Variants in ZNF565 observed in about 807,000 individuals in gnomAD.
ZNF565 encodes zinc finger protein 565.
Under a neutral mutation model 39.4 loss-of-function variants are expected in ZNF565, and 27 were observed. The observed-to-expected ratio is 0.69, with a 90% CI of 0.51 to 0.95. ZNF565 has a LOEUF of 0.95. Ranked by LOEUF, ZNF565 falls within the 40% of genes least tolerant of loss-of-function variation. The pLI, the probability that ZNF565 is intolerant of heterozygous loss-of-function variation, is 0.00. For missense variants in ZNF565, 524 were observed against 621.1 expected (o/e 0.84, Z 1.66); for synonymous variants, 185 against 216.6 (o/e 0.85, Z 1.28).
intron 2 of ZNF565, among the ~76,000 whole-genome samples, chr19:36,199,417 T>C (rs947523830): frequency 6.6e-6 from 1 of 152,052 alleles, no homozygotes; most frequent in Non-Finnish European, 1.5e-5. Flanking sequence ...ACCATGTCTA[T>C]GTGGAGAGAG....
intron 1 of ZNF565, among the ~76,000 whole-genome samples, chr19:36,211,486 C>CACAA (rs1555739633): frequency 7.5e-5 from 11 of 147,400 alleles, no homozygotes; most frequent in African/African-American, 2.8e-4. Flanking sequence ...CACACACACA[C>CACAA]AATTCTAATT....
At chr19:36,212,143 G>A (rs116689566) in intron 1 of ZNF565, among the ~76,000 whole-genome samples, 5 of 152,118 alleles carry the variant, frequency 3.3e-5, no homozygotes, top group Non-Finnish European at 7.4e-5. Flanking sequence ...CATCGCTTTC[G>A]GAGTATTCTT....
chr19:36,201,288 C>T (rs12608941), intron 2 of ZNF565, among the ~76,000 whole-genome samples: 47,713 of 151,840 alleles, frequency 0.31, 7,612 homozygotes, highest in East Asian at 0.39. Flanking sequence ...GGTGACAGAG[C>T]GAGACCCTGT....
At position 36,245,418 on chromosome 19, in the gene ZNF565, C is replaced by T; in HGVS notation, c.55+58G>A. The T allele has an allele frequency of 1.4e-6, 1 of 701,232 alleles. No individual in the cohort carries two copies. Among genetic ancestry groups the T allele is most frequent in the Admixed American group, 2.0e-5 (1 of 49,868 alleles). The allele number at this position is 701,232 out of a possible 1,614,324, so 43.4% of individuals were successfully genotyped here. On this transcript the variant is annotated intron_variant, in intron 1 of 4. Transcript: ENST00000355114. This position sits in a 1 kb window ranked among gnomAD's most constrained non-coding sequence, Gnocchi z 4.4. The stretch of plus-strand genomic sequence containing the variant: ...CCCGGAAAGCTCCGCGCTTACGACG[C>T]CCACCCAGAAAATCCGGATCACATT...
downstream of ZNF565, chr19:36,182,143 C>T (rs898518290): frequency 3.2e-5 from 7 of 221,468 alleles, no homozygotes; most frequent in South Asian, 2.4e-4. Flanking sequence ...TGAGCCACCA[C>T]GCCTGGCCAC....
At chr19:36,186,998 C>A (rs1975324623) in intron 4 of ZNF565, among the ~76,000 whole-genome samples, 1 of 151,974 alleles carries the variant, frequency 6.6e-6, no homozygotes, top group South Asian at 2.1e-4. Context: ...TGAGATCAGC[C>A]TGACCAACAT....
chr19:36,237,490 A>G (rs771379283), intron 1 of ZNF565: 4 of 730,520 alleles, frequency 5.5e-6, no homozygotes, highest in Non-Finnish European at 8.6e-6. Context: ...AGACATGCAT[A>G]TGATTAAAAC....
Position 36,194,669 on chromosome 19 carries a change from C to T in ZNF565, c.137-341G>A, listed in dbSNP as rs149815839. On this transcript the variant is annotated intron_variant, in intron 3 of 4. Transcript: ENST00000304116. ...CCCCTCCAATCTATTCCTTGATGCT[C>T]CTGGCCTTGTTCTGTGCCCAGCTCT... is the stretch of plus-strand genomic sequence containing the variant. 6 of 471,074 alleles carry T rather than the reference C, an allele frequency of 1.3e-5. No homozygotes were observed. The Admixed American group carries it at 1.3e-4, about 10-fold the overall frequency. The allele number at this position is 471,074 out of a possible 1,614,324, so 29.2% of individuals were successfully genotyped here.
intron 1 of ZNF565, among the ~76,000 whole-genome samples, chr19:36,231,587 T>C (rs1301914049): frequency 6.6e-6 from 1 of 152,174 alleles, no homozygotes; most frequent in South Asian, 2.1e-4. Flanking sequence ...CTTACACAAC[T>C]TTACCTGTTT....
At chr19:36,227,406 A>ATT (rs1231638601) in intron 1 of ZNF565, among the ~76,000 whole-genome samples, 1 of 139,584 alleles carries the variant, frequency 7.2e-6, no homozygotes, top group African/African-American at 2.6e-5. Context: ...AAAAAAAAAG[A>ATT]TTTTTTTTTT....
At chr19:36,233,235 T>C (rs574190934) in intron 1 of ZNF565, among the ~76,000 whole-genome samples, 11 of 152,154 alleles carry the variant, frequency 7.2e-5, no homozygotes, top group African/African-American at 2.7e-4. Context: ...ATACAAAAAT[T>C]AGGCGTGGTG....
chr19:36,194,864 G>A (rs779519122), intron 3 of ZNF565, 166 bp downstream of exon 3: 16 of 1,022,348 alleles, frequency 1.6e-5, no homozygotes, highest in Non-Finnish European at 2.4e-5. Flanking sequence ...TCTGGAAGTA[G>A]CTACAGCTAT....
chr19:36,196,693 G>C (rs1975770573), intron 2 of ZNF565, among the ~76,000 whole-genome samples: 1 of 152,270 alleles, frequency 6.6e-6, no homozygotes, highest in African/African-American at 2.4e-5. Context: ...ATGAGTCCAG[G>C]CTGGGCGTGG....
chr19:36,241,704 A>G (rs959209938), intron 1 of ZNF565, among the ~76,000 whole-genome samples: 2 of 149,730 alleles, frequency 1.3e-5, no homozygotes, highest in East Asian at 3.9e-4. Flanking sequence ...AGCTAGGAGA[A>G]TCGCTTGAAC....
At chr19:36,225,193 G>A (rs1977014461) in intron 1 of ZNF565, among the ~76,000 whole-genome samples, 1 of 152,144 alleles carries the variant, frequency 6.6e-6, no homozygotes, top group African/African-American at 2.4e-5. Context: ...CAGTGGGAGT[G>A]TGAGCAGAAA....
chr19:36,242,271 G>A (rs1458665755), intron 1 of ZNF565, among the ~76,000 whole-genome samples: 2 of 151,956 alleles, frequency 1.3e-5, no homozygotes, highest in Non-Finnish European at 2.9e-5. Flanking sequence ...TTAGCCAGAT[G>A]TGATGGTGCA....
chr19:36,229,352 AG>A (rs978913628), intron 1 of ZNF565, among the ~76,000 whole-genome samples: 5 of 152,166 alleles, frequency 3.3e-5, no homozygotes, highest in Non-Finnish European at 7.4e-5. Flanking sequence ...TTGTTGACCT[AG>A]AAATCAGTTT....
At chr19:36,213,915 A>G (rs1976474040) in intron 1 of ZNF565, among the ~76,000 whole-genome samples, 1 of 129,632 alleles carries the variant, frequency 7.7e-6, no homozygotes, top group Admixed American at 7.6e-5. Flanking sequence ...CACACAATCT[A>G]CTCTCCACTG....
chr19:36,236,535 C>T, intron 1 of ZNF565: 1 of 1,614,212 alleles, frequency 6.2e-7, no homozygotes, highest in African/African-American at 1.3e-5. Context: ...TCAAACCTCA[C>T]TGAGCATGAG....
Sources: allele counts gnomAD v4.1 joint callset (sites outside exome capture counted in the v4.1 genomes callset), GRCh38; gene constraint gnomAD v4.1.1; non-coding constraint Gnocchi (gnomAD v3.1); transcripts MANE v1.5; gene names NCBI Gene and HGNC (gene_info 2026-07-23, HGNC 2026-07-21).